Variants in IGSF21 observed in about 807,000 individuals in gnomAD.
The protein encoded by IGSF21 is immunoglobulin superfamily member 21.
Under a neutral mutation model 46.8 loss-of-function variants are expected in IGSF21, and 28 were observed. That is an observed-to-expected ratio of 0.60 (90% CI 0.44 to 0.82). The LOEUF is 0.82. Among genes scored for constraint, IGSF21 ranks in the 40% least tolerant of loss-of-function variants. IGSF21 has a pLI of 0.00. For missense variants in IGSF21, 624 were observed against 665.5 expected (o/e 0.94, Z 0.69); for synonymous variants, 284 against 273.6 (o/e 1.04, Z -0.38).
intron 1 of IGSF21, among the ~76,000 whole-genome samples, chr1:18,144,953 C>G (rs762031044): frequency 6.6e-6 from 1 of 152,080 alleles, no homozygotes; most frequent in African/African-American, 2.4e-5. Flanking sequence ...GGGTGAGTCC[C>G]GGGTGCCTCA....
chr1:18,344,683 G>C (rs1043616812), intron 4 of IGSF21, among the ~76,000 whole-genome samples: 4 of 152,126 alleles, frequency 2.6e-5, no homozygotes, highest in Admixed American at 1.3e-4. Flanking sequence ...CAAGGGGCAG[G>C]GTAGGTCAGT....
chr1:18,194,243 G>T (rs1033722203), intron 1 of IGSF21, among the ~76,000 whole-genome samples: 1 of 152,246 alleles, frequency 6.6e-6, no homozygotes, highest in Non-Finnish European at 1.5e-5. Context: ...GAGTTAAAAA[G>T]GGAGGAGAGC....
intron 1 of IGSF21, among the ~76,000 whole-genome samples, chr1:18,155,631 C>A (rs1557561111): frequency 1.3e-5 from 2 of 152,370 alleles, no homozygotes; most frequent in South Asian, 2.1e-4. Flanking sequence ...AGGGACTCAG[C>A]CCCTCAACCA....
At chr1:18,284,725 T>G (rs914378192) in intron 2 of IGSF21, among the ~76,000 whole-genome samples, 12 of 152,222 alleles carry the variant, frequency 7.9e-5, no homozygotes, top group African/African-American at 2.7e-4. Flanking sequence ...TTATCTAATT[T>G]AATGCCCTTT....
chr1:18,181,136 T>A (rs1166693625), intron 1 of IGSF21, among the ~76,000 whole-genome samples: 1 of 152,142 alleles, frequency 6.6e-6, no homozygotes, highest in African/African-American at 2.4e-5. Flanking sequence ...CTCCTCCTAG[T>A]CCCCGGCTCA....
chr1:18,208,366 G>C (rs2084353227), intron 1 of IGSF21, among the ~76,000 whole-genome samples: 1 of 55,040 alleles, frequency 1.8e-5, no homozygotes, highest in South Asian at 6.4e-4. Context: ...TTCTCCTTCA[G>C]TTTAGGAATA....
chr1:18,335,060 T>C lies in IGSF21; in HGVS notation c.424+50T>C, dbSNP rs1225605371. ...GGTGTCTCAGTGAGGAGGACGAGTA[T>C]GCTTGAGTGTGTGAATGTGCGCACA... On this transcript the variant is annotated intron_variant, in intron 4 of 9. Coordinates refer to ENST00000251296, the MANE Select transcript of IGSF21 (RefSeq NM_032880.5). The surrounding 1 kb of genome is among the most constrained non-coding windows in gnomAD (Gnocchi z 4.8). 1 of 1,410,780 alleles carries C rather than the reference T, an allele frequency of 7.1e-7. No individual in the cohort carries two copies. The highest frequency in any genetic ancestry group is 1.4e-5 in the African/African-American group (1 of 71,054). The allele number at this position is 1,410,780 out of a possible 1,614,324, so 87.4% of individuals were successfully genotyped here.
chr1:18,149,826 T>C (rs1373431384), intron 1 of IGSF21, among the ~76,000 whole-genome samples: 4 of 152,198 alleles, frequency 2.6e-5, no homozygotes, highest in Non-Finnish European at 5.9e-5. Context: ...GAATCATTCA[T>C]GTCTACTATA....
At chr1:18,123,922 C>T (rs1008644385) in intron 1 of IGSF21, among the ~76,000 whole-genome samples, 2 of 152,170 alleles carry the variant, frequency 1.3e-5, no homozygotes, top group Non-Finnish European at 1.5e-5. Context: ...CTGGCATTCA[C>T]GGAGGCCTGG....
At chr1:18,374,520 A>T (rs2086260899) in intron 6 of IGSF21, among the ~76,000 whole-genome samples, 1 of 151,910 alleles carries the variant, frequency 6.6e-6, no homozygotes, top group South Asian at 2.1e-4. Flanking sequence ...ATCCCAGGCC[A>T]GTGGCCCTTC....
At chr1:18,162,164 A>G (rs570383002) in intron 1 of IGSF21, among the ~76,000 whole-genome samples, 192 of 151,292 alleles carry the variant, frequency 1.3e-3, no homozygotes, top group African/African-American at 4.5e-3. Flanking sequence ...TCTCACCTCA[A>G]CCTCCTGAGT....
At chr1:18,269,897 A>G (rs182554000) in intron 2 of IGSF21, among the ~76,000 whole-genome samples, 1 of 152,290 alleles carries the variant, frequency 6.6e-6, no homozygotes, top group East Asian at 1.9e-4. Context: ...TCTGGGCCTC[A>G]GTGTCCCTCA....
At chr1:18,296,278 T>C (rs1160256514) in intron 3 of IGSF21, among the ~76,000 whole-genome samples, 1 of 152,200 alleles carries the variant, frequency 6.6e-6, no homozygotes, top group African/African-American at 2.4e-5. Flanking sequence ...TCTAGGTTCT[T>C]GGCTGGGTCC....
At chr1:18,245,926 G>T (rs1282714561) in intron 2 of IGSF21, among the ~76,000 whole-genome samples, 1 of 152,208 alleles carries the variant, frequency 6.6e-6, no homozygotes, top group Non-Finnish European at 1.5e-5. Context: ...CCTTCAAGGG[G>T]CAGGGGTAAT....
intron 3 of IGSF21, among the ~76,000 whole-genome samples, chr1:18,304,871 C>T (rs1009862515): frequency 6.6e-6 from 1 of 152,140 alleles, no homozygotes; most frequent in African/African-American, 2.4e-5. Flanking sequence ...CAGGAAAGAC[C>T]CAATTTAGTA....
At chr1:18,323,790 G>A (rs1479205627) in intron 3 of IGSF21, among the ~76,000 whole-genome samples, 5 of 152,174 alleles carry the variant, frequency 3.3e-5, no homozygotes, top group African/African-American at 9.7e-5. Flanking sequence ...TGTACCCAAT[G>A]AGCAACTGTA....
chr1:18,366,583 G>A (rs1466028005), intron 6 of IGSF21, among the ~76,000 whole-genome samples: 2 of 152,202 alleles, frequency 1.3e-5, no homozygotes, highest in Non-Finnish European at 2.9e-5. Flanking sequence ...GGCTTTGCTG[G>A]ATCGGGTTCG....
At chr1:18,328,184 C>T (rs151120339) in intron 3 of IGSF21, among the ~76,000 whole-genome samples, 102 of 152,270 alleles carry the variant, frequency 6.7e-4, no homozygotes, top group Middle Eastern at 3.4e-3. Context: ...ATAAGTCCAT[C>T]GTAAGTTCAA....
At chr1:18,314,433 A>G (rs1367627638) in intron 3 of IGSF21, among the ~76,000 whole-genome samples, 3 of 152,200 alleles carry the variant, frequency 2.0e-5, no homozygotes, top group Non-Finnish European at 4.4e-5. Flanking sequence ...ATTATAGATA[A>G]AGATGATTCA....
Sources: allele counts gnomAD v4.1 joint callset (sites outside exome capture counted in the v4.1 genomes callset), GRCh38; gene constraint gnomAD v4.1.1; non-coding constraint Gnocchi (gnomAD v3.1); transcripts MANE v1.5; gene names NCBI Gene and HGNC (gene_info 2026-07-23, HGNC 2026-07-21).